The following TANGO6 variants were observed in gnomAD, a reference collection of about 807,000 sequenced individuals.
TANGO6 encodes the protein transport and golgi organization 6 homolog.
TANGO6 carries 90 observed loss-of-function variants against 114.2 expected under a neutral mutation model. That is an observed-to-expected ratio of 0.79 (90% confidence interval 0.66 to 0.94). TANGO6 has a LOEUF of 0.94. TANGO6 is among the 40% of genes least tolerant of loss of function. The pLI, the probability that TANGO6 is intolerant of heterozygous loss-of-function variation, is 0.00. For synonymous variants in TANGO6, 477 were observed against 509.8 expected, an observed-to-expected ratio of 0.94 and a Z score of 0.87; for missense variants, 1,274 against 1,315.3, an observed-to-expected ratio of 0.97 and a Z score of 0.49.
At position 69,083,490 on chromosome 16, in the gene TANGO6, G is replaced by A. The variant is rs758395083; in HGVS notation, c.3114G>A (p.Leu1038=). ...RGLSQKATEV[L]SAVLKDLYHL... is the part of the protein sequence containing the mutation. ...TGGCTGTCTCTCTCATGCAGGTGCT[G>A]AGCGCCGTCCTCAAGGATCTCTACC... The change falls in exon 18 of 18, where the codon CTG becomes CTA. Residue 1038 remains leucine (L), a synonymous_variant. Transcript: ENST00000261778. 8.7e-6 allele frequency: 14 copies of A among 1,609,366 alleles called. No individual in the cohort carries two copies. Among genetic ancestry groups the A allele is most frequent in the Admixed American group, 5.0e-5 (3 of 59,622 alleles).
At chr16:68,925,263 T>C (rs1450205632) in intron 12 of TANGO6, among the ~76,000 whole-genome samples, 1 of 152,154 alleles carries the variant, frequency 6.6e-6, no homozygotes, top group Non-Finnish European at 1.5e-5. Context: ...TGAGCCAAGA[T>C]TGTGCCATTG....
At chr16:68,878,797 G>A (rs929146557) in intron 6 of TANGO6, among the ~76,000 whole-genome samples, 1 of 151,962 alleles carries the variant, frequency 6.6e-6, no homozygotes, top group African/African-American at 2.4e-5. Context: ...TCATGGCTGG[G>A]CGTGGTGGCT....
At chr16:69,078,397 T>C (rs949016524) in intron 17 of TANGO6, among the ~76,000 whole-genome samples, 1 of 152,358 alleles carries the variant, frequency 6.6e-6, no homozygotes, top group Admixed American at 6.5e-5. Flanking sequence ...AGACACAGTC[T>C]ACTTGGTGGA....
At chr16:69,059,088 T>TC (rs967771458) in intron 17 of TANGO6, among the ~76,000 whole-genome samples, 2 of 151,410 alleles carry the variant, frequency 1.3e-5, no homozygotes, top group Admixed American at 1.3e-4. Flanking sequence ...CTTTTTTTTT[T>TC]TTTTGAGACG....
intron 14 of TANGO6, among the ~76,000 whole-genome samples, chr16:68,962,528 C>T (rs762763069): frequency 3.3e-5 from 5 of 151,928 alleles, no homozygotes; most frequent in Non-Finnish European, 5.9e-5. Flanking sequence ...TTTAAAGAGT[C>T]GAAAAAGAGG....
intron 10 of TANGO6, among the ~76,000 whole-genome samples, chr16:68,908,123 G>C (rs568704693): frequency 6.6e-6 from 1 of 152,104 alleles, no homozygotes; most frequent in Non-Finnish European, 1.5e-5. Flanking sequence ...TTGTTGCACT[G>C]TATGACATCA....
At chr16:69,076,167 C>T (rs1960376285) in intron 17 of TANGO6, among the ~76,000 whole-genome samples, 1 of 139,178 alleles carries the variant, frequency 7.2e-6, no homozygotes, top group East Asian at 2.2e-4. Flanking sequence ...TCTAGGCTCA[C>T]TGCAACCTCC....
intron 17 of TANGO6, among the ~76,000 whole-genome samples, chr16:69,067,545 C>T (rs977307042): frequency 9.8e-5 from 11 of 111,718 alleles, no homozygotes; most frequent in Non-Finnish European, 1.6e-4. Context: ...AAACGCTGGG[C>T]GCCGTGGCAC....
At chr16:68,963,109 C>T (rs1193805004) in intron 14 of TANGO6, among the ~76,000 whole-genome samples, 1 of 141,522 alleles carries the variant, frequency 7.1e-6, no homozygotes, top group Admixed American at 7.0e-5. Flanking sequence ...AAAAAAAAAG[C>T]TTGTCCTTGT....
intron 7 of TANGO6, among the ~76,000 whole-genome samples, chr16:68,899,922 T>C (rs1962760782): frequency 6.6e-6 from 1 of 152,128 alleles, no homozygotes; most frequent in Non-Finnish European, 1.5e-5. Context: ...TCTTTGAACA[T>C]TTATAGAATT....
chr16:69,063,128 G>A (rs546444843), intron 17 of TANGO6, among the ~76,000 whole-genome samples: 1 of 151,718 alleles, frequency 6.6e-6, no homozygotes, highest in Non-Finnish European at 1.5e-5. Context: ...CTTGGGAAGC[G>A]GAGGCAGGAG....
intron 14 of TANGO6, among the ~76,000 whole-genome samples, chr16:68,962,877 C>T (rs892156648): frequency 2.7e-5 from 4 of 150,278 alleles, no homozygotes; most frequent in South Asian, 2.1e-4. Context: ...GTCAGGAGAT[C>T]GAGACCATCT....
Position 68,902,521 on chromosome 16 carries a change from G to C in TANGO6, c.1667+17G>C. On this transcript the variant is annotated intron_variant, in intron 9 of 17. Transcript: ENST00000261778. ...GGCCATTAGGTGAGTCCACCCATCC[G>C]TTACTGTTCTCTTCAGATTTAGTTC... The C allele has an allele frequency of 1.3e-6, 2 of 1,588,252 alleles. No homozygotes were observed. Among genetic ancestry groups the C allele is most frequent in the Non-Finnish European group, 1.7e-6 (2 of 1,168,812 alleles).
chr16:68,875,329 C>A (rs201013243), intron 5 of TANGO6, 39 bp downstream of exon 5: 1 of 1,596,766 alleles, frequency 6.3e-7, no homozygotes, highest in Non-Finnish European at 8.6e-7. Flanking sequence ...TGAGGATTAT[C>A]TGCTTATTTA....
At chr16:68,913,089 A>AC (rs1567538318) in intron 11 of TANGO6, among the ~76,000 whole-genome samples, 4 of 151,518 alleles carry the variant, frequency 2.6e-5, no homozygotes, top group Admixed American at 1.3e-4. Flanking sequence ...AAAAAAAAAA[A>AC]AACAGGGTAA....
chr16:69,065,011 C>G (rs1043939053), intron 17 of TANGO6, among the ~76,000 whole-genome samples: 2 of 152,204 alleles, frequency 1.3e-5, no homozygotes, highest in Non-Finnish European at 2.9e-5. Context: ...TGTACTCACC[C>G]TCTCAGGACA....
intron 14 of TANGO6, among the ~76,000 whole-genome samples, chr16:68,943,390 G>A (rs1963376028): frequency 7.0e-6 from 1 of 143,614 alleles, no homozygotes; most frequent in South Asian, 2.2e-4. Flanking sequence ...TTGAGACAGA[G>A]TCTCGCTCTG....
intron 16 of TANGO6, among the ~76,000 whole-genome samples, chr16:69,037,202 G>C (rs1959702787): frequency 6.6e-6 from 1 of 151,278 alleles, no homozygotes; most frequent in African/African-American, 2.4e-5. Context: ...GGATGCTTCT[G>C]CCTGGACATC....
chr16:68,946,515 G>C (rs1963416203), intron 14 of TANGO6, among the ~76,000 whole-genome samples: 1 of 151,836 alleles, frequency 6.6e-6, no homozygotes, highest in Admixed American at 6.6e-5. Flanking sequence ...TTTAAGACAG[G>C]GTCTTACTCT....
Sources: gnomAD v4.1 joint callset for allele counts (sites outside exome capture counted in the v4.1 genomes callset) on GRCh38, gnomAD v4.1.1 for gene constraint, MANE v1.5 for transcripts, NCBI Gene and HGNC (gene_info 2026-07-23, HGNC 2026-07-21) for gene names.